FAM81A: variants seen among roughly 807,000 people sequenced by gnomAD.
FAM81A encodes family with sequence similarity 81 member A.
FAM81A carries 19 observed loss-of-function variants against 46.7 expected under a neutral mutation model. The ratio of observed to expected loss-of-function variants is 0.41; its 90% CI spans 0.28 to 0.60. FAM81A has a LOEUF of 0.60. FAM81A is among the 20% of genes least tolerant of loss of function. FAM81A has a pLI of 0.34. For synonymous variants in FAM81A, 183 were observed against 152.9 expected (o/e 1.20, Z -1.45); for missense variants, 377 against 453.5 (o/e 0.83, Z 1.53).
chr15:59,478,867 C>A (rs2081808591), intron 3 of FAM81A, among the ~76,000 whole-genome samples: 1 of 152,140 alleles, frequency 6.6e-6, no homozygotes, highest in Non-Finnish European at 1.5e-5. Flanking sequence ...GTCTGGGAAC[C>A]AGAGATTGAT....
At chr15:59,458,855 C>T (rs1361493271) in intron 2 of FAM81A, among the ~76,000 whole-genome samples, 1 of 152,254 alleles carries the variant, frequency 6.6e-6, no homozygotes, top group Admixed American at 6.5e-5. Flanking sequence ...CTACAGTAGA[C>T]TTGAATTTCC....
At chr15:59,404,493 C>T (rs2081085829) in intron 2 of FAM81A, among the ~76,000 whole-genome samples, 2 of 152,144 alleles carry the variant, frequency 1.3e-5, no homozygotes, top group South Asian at 4.1e-4. Context: ...CACAGTCTCG[C>T]TCTGTTGCCC....
At chr15:59,467,815 G>A (rs1327787858) in intron 3 of FAM81A, among the ~76,000 whole-genome samples, 1 of 152,138 alleles carries the variant, frequency 6.6e-6, no homozygotes, top group Non-Finnish European at 1.5e-5. Flanking sequence ...TTCCAGTTTT[G>A]CCCATTCAGT....
At chr15:59,517,021 C>A (rs1438765305) in intron 8 of FAM81A, among the ~76,000 whole-genome samples, 181 bp downstream of exon 8, 2 of 152,044 alleles carry the variant, frequency 1.3e-5, no homozygotes, top group East Asian at 3.8e-4. Context: ...GTTTGAATTT[C>A]AGCTATATAA....
At chr15:59,412,452 A>G (rs11629557) in intron 2 of FAM81A, among the ~76,000 whole-genome samples, 125,210 of 152,184 alleles carry the variant, frequency 0.82, 51,974 homozygotes, top group East Asian at 0.93. Flanking sequence ...CAAGCCGGGC[A>G]CAGTGGCTCA....
intron 2 of FAM81A, among the ~76,000 whole-genome samples, chr15:59,432,389 C>T (rs2081224284): frequency 6.6e-6 from 1 of 152,202 alleles, no homozygotes; most frequent in African/African-American, 2.4e-5. Flanking sequence ...AGTTACTATT[C>T]ACATTCTTTG....
upstream of FAM81A, among the ~76,000 whole-genome samples, chr15:59,435,795 A>G (rs1002626275): frequency 6.6e-6 from 1 of 152,206 alleles, no homozygotes; most frequent in Non-Finnish European, 1.5e-5. Flanking sequence ...GTGATAAATC[A>G]TGGCTTTTTA....
At chr15:59,489,887 C>A (rs890347453) in intron 3 of FAM81A, among the ~76,000 whole-genome samples, 1 of 152,058 alleles carries the variant, frequency 6.6e-6, no homozygotes, top group Non-Finnish European at 1.5e-5. Context: ...CTATTTCATA[C>A]CATGTACAGA....
At chr15:59,436,667 G>A (rs2141571380), upstream of FAM81A, among the ~76,000 whole-genome samples, 1 of 152,298 alleles carries the variant, frequency 6.6e-6, no homozygotes, top group South Asian at 2.1e-4. Flanking sequence ...GGGAAGCAGA[G>A]TGACAGTGTC....
At chr15:59,486,085 A>G (rs1292900655) in intron 3 of FAM81A, among the ~76,000 whole-genome samples, 1 of 152,172 alleles carries the variant, frequency 6.6e-6, no homozygotes, top group East Asian at 1.9e-4. Context: ...AGGCTGAGGC[A>G]GGAGAATCGC....
intron 5 of FAM81A, 87 bp from the exon 6 acceptor site, chr15:59,508,776 T>TGAC: frequency 1.2e-6 from 1 of 845,008 alleles, no homozygotes; most frequent in South Asian, 1.7e-5. Context: ...TTAATGCCAT[T>TGAC]GACTACAATA....
At chr15:59,428,834 T>C (rs973209040) in intron 2 of FAM81A, among the ~76,000 whole-genome samples, 3 of 152,098 alleles carry the variant, frequency 2.0e-5, no homozygotes, top group Non-Finnish European at 4.4e-5. Context: ...TTTTGCCATG[T>C]TGGCCAGGCT....
At chr15:59,477,744 G>T (rs1370711333) in intron 3 of FAM81A, among the ~76,000 whole-genome samples, 1 of 152,078 alleles carries the variant, frequency 6.6e-6, no homozygotes, top group African/African-American at 2.4e-5. Context: ...TATAATTATT[G>T]CTTATATTCT....
At chr15:59,502,576 C>G (rs1026948609) in intron 4 of FAM81A, among the ~76,000 whole-genome samples, 1 of 151,514 alleles carries the variant, frequency 6.6e-6, no homozygotes, top group Non-Finnish European at 1.5e-5. Flanking sequence ...TGCAATGGCG[C>G]GATCTCGGCT....
chr15:59,471,183 C>G (rs1288503908), intron 3 of FAM81A, among the ~76,000 whole-genome samples: 2 of 152,154 alleles, frequency 1.3e-5, no homozygotes, highest in African/African-American at 2.4e-5. Context: ...CTTCTGTATT[C>G]TTACTGATTT....
chr15:59,423,016 A>G (rs969986267), intron 2 of FAM81A, among the ~76,000 whole-genome samples: 1 of 152,244 alleles, frequency 6.6e-6, no homozygotes, highest in Non-Finnish European at 1.5e-5. Context: ...AATGCTTACT[A>G]CATGTGAGAG....
At chr15:59,451,296 C>T (rs1043191867) in intron 1 of FAM81A, among the ~76,000 whole-genome samples, 1 of 152,060 alleles carries the variant, frequency 6.6e-6, no homozygotes, top group East Asian at 1.9e-4. Flanking sequence ...ATATGGGAAG[C>T]TAAAAGATGT....
chr15:59,398,041 A>T (rs138187199), intron 1 of FAM81A, among the ~76,000 whole-genome samples: 16 of 152,270 alleles, frequency 1.1e-4, no homozygotes, highest in African/African-American at 3.9e-4. Context: ...TGGAGGAGAA[A>T]TGGGCACAAT....
rs1010576324 is a variant in FAM81A at position 59,523,400 on chromosome 15, C to T, written c.*2022C>T. 1.3e-5 allele frequency: 2 copies of T among 152,218 alleles called. No individual in the cohort carries two copies. The highest frequency in any genetic ancestry group is 1.9e-4 in the East Asian group (1 of 5,202). The allele number at this position is 152,218 out of a possible 1,614,324, so 9.4% of individuals were successfully genotyped here. A position where few individuals can be genotyped will look rare whatever the true frequency, so the allele number is the denominator to read the frequency against. ...TGGGTCGCAGGCATCAGTGCGTGCCCGAGGCCTCCGCGTGTTTGGGTGTGC... is the reference window on the plus strand; with the variant it reads ...TGGGTCGCAGGCATCAGTGCGTGCCTGAGGCCTCCGCGTGTTTGGGTGTGC... On this transcript the variant is annotated 3_prime_UTR_variant, in exon 9 of 9. Transcript: ENST00000288228.
Sources: allele counts gnomAD v4.1 joint callset (sites outside exome capture counted in the v4.1 genomes callset), GRCh38; gene constraint gnomAD v4.1.1; transcripts MANE v1.5; gene names NCBI Gene and HGNC (gene_info 2026-07-23, HGNC 2026-07-21).